CHSY1: variants seen among roughly 807,000 people sequenced by gnomAD.
CHSY1 encodes the protein chondroitin sulfate synthase 1, also known as N-acetylgalactosaminyl-proteoglycan 3-beta-glucuronosyltransferase 1.
In CHSY1, 13 loss-of-function variants were observed where a neutral mutation model predicts 59.8. That is an observed-to-expected ratio of 0.22 (90% CI 0.14 to 0.35). The LOEUF (loss-of-function observed/expected upper bound fraction) is 0.35, where lower values mean the gene tolerates loss of function less well. Among genes scored for constraint, CHSY1 ranks in the 10% least tolerant of loss-of-function variants. The pLI, the probability that CHSY1 is intolerant of heterozygous loss-of-function variation, is 1.00. For synonymous variants in CHSY1, 459 were observed against 401.2 expected (o/e 1.14, Z -1.72); for missense variants, 947 against 1,030.6 (o/e 0.92, Z 1.11).
chr15:101,234,018 C>T (rs1015661590), intron 2 of CHSY1, among the ~76,000 whole-genome samples: 7 of 152,164 alleles, frequency 4.6e-5, no homozygotes, highest in African/African-American at 1.7e-4. Flanking sequence ...GACAATACAA[C>T]CTCAATAATT....
Position 101,177,964 on chromosome 15 carries a change from G to T in CHSY1, c.1833C>A (p.Ala611=), listed in dbSNP as rs2038215619. 6.2e-7 allele frequency: 1 copy of T among 1,614,056 alleles called. No individual in the cohort carries two copies. The highest frequency in any genetic ancestry group is 1.1e-5 in the South Asian group (1 of 91,086). Residue 611 remains alanine, a synonymous_variant, in exon 3 of 3, where the codon GCC becomes GCA. Transcript: ENST00000254190. ...ILPVSGEFSR[A]LALEVGSSQF... ...GGGAGGATCCTACTTCCAGGGCCAGGGCTCTTGAAAACTCTCCAGACACAG... is the reference window on the plus strand; with the variant it reads ...GGGAGGATCCTACTTCCAGGGCCAGTGCTCTTGAAAACTCTCCAGACACAG...
intron 2 of CHSY1, among the ~76,000 whole-genome samples, chr15:101,196,378 T>C (rs1419286900): frequency 3.3e-5 from 5 of 152,182 alleles, no homozygotes; most frequent in Admixed American, 6.5e-5. Context: ...TGGTGTCCCA[T>C]GCTGATGTGA....
chr15:101,231,244 C>T lies in CHSY1; in HGVS notation c.816+3838G>A, dbSNP rs536168114. Among the ~76,000 whole-genome samples, 10 of 152,226 alleles carry T rather than the reference C, an allele frequency of 6.6e-5. No homozygotes were observed. The South Asian group carries it at 1.5e-3, about 22-fold the overall frequency. On this transcript the variant is annotated intron_variant, in intron 2 of 2. Coordinates refer to ENST00000254190, the MANE Select transcript of CHSY1 (RefSeq NM_014918.5). ...ACTGCCGAAAGAACTGGAAATAGCC[C>T]GAACGTCCATCAAAAAGACGAAGTT... is the stretch of plus-strand genomic sequence containing the variant.
intron 2 of CHSY1, among the ~76,000 whole-genome samples, chr15:101,215,603 T>C (rs2038724119): frequency 6.6e-6 from 1 of 152,150 alleles, no homozygotes; most frequent in Non-Finnish European, 1.5e-5. Flanking sequence ...GGCGTGGTAG[T>C]GCATGCCTGT....
At chr15:101,230,348 G>T (rs2038881600) in intron 2 of CHSY1, among the ~76,000 whole-genome samples, 1 of 152,202 alleles carries the variant, frequency 6.6e-6, no homozygotes, top group Non-Finnish European at 1.5e-5. Flanking sequence ...CAGCCTAAAT[G>T]AGTGAGGAAG....
At chr15:101,230,784 C>A (rs1286980535) in intron 2 of CHSY1, among the ~76,000 whole-genome samples, 1 of 152,196 alleles carries the variant, frequency 6.6e-6, no homozygotes, top group Non-Finnish European at 1.5e-5. Flanking sequence ...ATCAGTATCA[C>A]AGGTTTCATA....
chr15:101,200,519 T>C (rs957185735), intron 2 of CHSY1, among the ~76,000 whole-genome samples: 5 of 152,022 alleles, frequency 3.3e-5, no homozygotes, highest in Admixed American at 2.6e-4. Context: ...ACAAACAAGG[T>C]TAGGAGAATT....
At chr15:101,206,504 C>T (rs979694684) in intron 2 of CHSY1, among the ~76,000 whole-genome samples, 1 of 152,088 alleles carries the variant, frequency 6.6e-6, no homozygotes, top group South Asian at 2.1e-4. Context: ...AGATCACCAC[C>T]AAGATCCGTT....
chr15:101,198,206 T>C lies in CHSY1; in HGVS notation c.817-19226A>G, dbSNP rs143740869. 6.5e-3 allele frequency among the ~76,000 whole-genome samples: 991 copies of C among 152,230 alleles called. 15 individuals are homozygous for C. Among genetic ancestry groups the C allele is most frequent in the African/African-American group, 0.023 (959 of 41,540 alleles). On this transcript the variant is annotated intron_variant, in intron 2 of 2. Coordinates refer to ENST00000254190, the MANE Select transcript of CHSY1 (RefSeq NM_014918.5). ...TGTGTCTCCAGGCTCTTTCCTCTCCTGCAGCTGTCTGTCACCTAAGCACAG... is the reference window on the plus strand; with the variant it reads ...TGTGTCTCCAGGCTCTTTCCTCTCCCGCAGCTGTCTGTCACCTAAGCACAG...
At chr15:101,248,813 G>A (rs371474425) in intron 1 of CHSY1, among the ~76,000 whole-genome samples, 2 of 152,164 alleles carry the variant, frequency 1.3e-5, no homozygotes, top group Non-Finnish European at 2.9e-5. Flanking sequence ...TTGAGACGGA[G>A]TCTTGCTCTG....
intron 2 of CHSY1, among the ~76,000 whole-genome samples, chr15:101,231,226 A>T (rs924462903): frequency 6.6e-6 from 1 of 152,220 alleles, no homozygotes; most frequent in African/African-American, 2.4e-5. Context: ...AACACTGCCG[A>T]AAGAACTGGA....
At chr15:101,219,319 C>T (rs2038765526) in intron 2 of CHSY1, among the ~76,000 whole-genome samples, 1 of 152,112 alleles carries the variant, frequency 6.6e-6, no homozygotes, top group African/African-American at 2.4e-5. Context: ...GCTTAGATCA[C>T]CAAGTGATCA....
chr15:101,205,845 G>T (rs368690492), intron 2 of CHSY1, among the ~76,000 whole-genome samples: 1 of 152,068 alleles, frequency 6.6e-6, no homozygotes, highest in Non-Finnish European at 1.5e-5. Context: ...CAGCTACTCA[G>T]GGGGGCTGAG....
In CHSY1 at chr15:101,235,340, C is replaced by A. The variant is rs778262914; in HGVS notation, c.558G>T (p.Arg186Ser). The change falls in exon 2 of 3, where the codon AGG (arginine) becomes AGT (serine). Residue 186 changes from arginine to serine, a missense_variant. Coordinates refer to ENST00000254190, the MANE Select transcript of CHSY1 (RefSeq NM_014918.5). ...IKGDRLENFLRSLNSSEPLFL... is the reference protein window; with the variant it reads ...IKGDRLENFLSSLNSSEPLFL... The stretch of plus-strand genomic sequence containing the variant: ...AGAGGGGCTCGCTGCTGTTCAAACT[C>A]CTCAGGAAGTTCTCCAGACGGTCTC... The A allele has an allele frequency of 6.2e-7, 1 of 1,614,228 alleles. No homozygotes were observed. Among genetic ancestry groups the A allele is most frequent in the Non-Finnish European group, 8.5e-7 (1 of 1,180,042 alleles).
chr15:101,249,094 C>T (rs2039081231), intron 1 of CHSY1, among the ~76,000 whole-genome samples: 2 of 151,930 alleles, frequency 1.3e-5, no homozygotes, highest in Admixed American at 6.6e-5. Context: ...TGAGCCACCG[C>T]GCCCGGCCTG....
intron 1 of CHSY1, among the ~76,000 whole-genome samples, chr15:101,240,045 T>C (rs937245219): frequency 5.3e-5 from 8 of 152,246 alleles, no homozygotes; most frequent in Non-Finnish European, 1.2e-4. Flanking sequence ...AGTTTTATGG[T>C]AACTCCACCC....
At chr15:101,234,378 CAGAAG>C (rs555020229) in intron 2 of CHSY1, among the ~76,000 whole-genome samples, 187 of 152,194 alleles carry the variant, frequency 1.2e-3, no homozygotes, top group Middle Eastern at 6.8e-3. Context: ...TCATTATGAC[CAGAAG>C]AGAAGAGCCA....
chr15:101,243,360 C>T (rs75228678), intron 1 of CHSY1, among the ~76,000 whole-genome samples: 4,052 of 152,222 alleles, frequency 0.027, 133 homozygotes, highest in African/African-American at 0.073. Flanking sequence ...TATAAATATG[C>T]GACTAATACT....
chr15:101,193,335 A>G (rs554324305), intron 2 of CHSY1, among the ~76,000 whole-genome samples: 1 of 152,382 alleles, frequency 6.6e-6, no homozygotes, highest in African/African-American at 2.4e-5. Flanking sequence ...AGGCCTCTCC[A>G]GCAGGGAAAA....
Sources: allele counts gnomAD v4.1 joint callset (sites outside exome capture counted in the v4.1 genomes callset), GRCh38; gene constraint gnomAD v4.1.1; transcripts MANE v1.5; gene names NCBI Gene and HGNC (gene_info 2026-07-23, HGNC 2026-07-21).